The following FBXL7 variants were observed in gnomAD, a reference collection of about 807,000 sequenced individuals.
FBXL7 encodes the protein F-box and leucine rich repeat protein 7.
A neutral mutation model predicts 38.3 loss-of-function variants in FBXL7; 12 were observed. The observed-to-expected ratio is 0.31, with a 90% CI of 0.20 to 0.51. FBXL7 has a LOEUF of 0.51. Ranked by LOEUF, FBXL7 falls within the 20% of genes least tolerant of loss-of-function variation. The probability of loss-of-function intolerance (pLI) is 0.98; values close to 1 mark genes in which losing one functional copy is unlikely to be tolerated. For missense variants in FBXL7, 567 were observed against 676.4 expected, an observed-to-expected ratio of 0.84 and a Z score of 1.79; for synonymous variants, 297 against 300.9, an observed-to-expected ratio of 0.99 and a Z score of 0.13.
At chr5:15,591,322 G>A (rs1200866981) in intron 1 of FBXL7, among the ~76,000 whole-genome samples, 3 of 151,672 alleles carry the variant, frequency 2.0e-5, no homozygotes, top group South Asian at 2.1e-4. Context: ...CCAGCTACTC[G>A]GGAGGCTGAG....
At chr5:15,524,306 T>C (rs938763064) in intron 1 of FBXL7, among the ~76,000 whole-genome samples, 1 of 152,170 alleles carries the variant, frequency 6.6e-6, no homozygotes, top group African/African-American at 2.4e-5. Context: ...AGGTATACTT[T>C]AAAGGAATGG....
chr5:15,887,661 A>G (rs577870480), intron 2 of FBXL7, among the ~76,000 whole-genome samples: 7 of 152,186 alleles, frequency 4.6e-5, no homozygotes, highest in African/African-American at 1.7e-4. Flanking sequence ...GTAAACACGT[A>G]GAGTATTGGA....
chr5:15,727,094 C>G (rs140734706), intron 2 of FBXL7, among the ~76,000 whole-genome samples: 2 of 152,112 alleles, frequency 1.3e-5, no homozygotes, highest in African/African-American at 2.4e-5. Flanking sequence ...CAATAACATA[C>G]GAAAACTCTG....
At chr5:15,622,631 C>G (rs999881660) in intron 2 of FBXL7, among the ~76,000 whole-genome samples, 1 of 152,164 alleles carries the variant, frequency 6.6e-6, no homozygotes, top group Non-Finnish European at 1.5e-5. Flanking sequence ...TTTTTTATGG[C>G]TGCATAGTCT....
chr5:15,651,754 A>G (rs1052507474), intron 2 of FBXL7, among the ~76,000 whole-genome samples: 10 of 152,234 alleles, frequency 6.6e-5, no homozygotes, highest in African/African-American at 2.2e-4. Flanking sequence ...TAAAGCCACC[A>G]GCTACATTGG....
intron 2 of FBXL7, among the ~76,000 whole-genome samples, chr5:15,737,186 C>T (rs953214783): frequency 2.6e-5 from 4 of 152,198 alleles, no homozygotes; most frequent in Non-Finnish European, 2.9e-5. Context: ...TTCCACTGGG[C>T]GTCCGAAGCT....
chr5:15,509,824 G>T (rs1244472591), intron 1 of FBXL7, among the ~76,000 whole-genome samples: 1 of 152,226 alleles, frequency 6.6e-6, no homozygotes, highest in Non-Finnish European at 1.5e-5. Flanking sequence ...AACCTGGCCT[G>T]CCTGGGTGCT....
chr5:15,539,421 A>T (rs1737674663), intron 1 of FBXL7, among the ~76,000 whole-genome samples: 1 of 151,992 alleles, frequency 6.6e-6, no homozygotes, highest in Non-Finnish European at 1.5e-5. Context: ...AGTAACTCTT[A>T]ATGGTCTACA....
At chr5:15,517,296 G>A (rs994807958) in intron 1 of FBXL7, among the ~76,000 whole-genome samples, 3 of 152,156 alleles carry the variant, frequency 2.0e-5, no homozygotes, top group Non-Finnish European at 4.4e-5. Flanking sequence ...TGACTTAAGG[G>A]GCCCACAGTC....
At chr5:15,595,407 C>T in intron 1 of FBXL7, among the ~76,000 whole-genome samples, 1 of 152,126 alleles carries the variant, frequency 6.6e-6, no homozygotes, top group South Asian at 2.1e-4. Context: ...GCAGGCAGAC[C>T]AGATCGGCTG....
intron 2 of FBXL7, among the ~76,000 whole-genome samples, chr5:15,890,453 C>A (rs1462437209): frequency 1.3e-5 from 2 of 152,072 alleles, no homozygotes; most frequent in African/African-American, 4.8e-5. Context: ...GTTGGTCAGG[C>A]TGCTCTTGAA....
Position 15,533,978 on chromosome 5 carries a change from CTGTT to C in FBXL7, c.37+33267_37+33270del, listed in dbSNP as rs201562263. 5.3e-5 allele frequency among the ~76,000 whole-genome samples: 8 copies of C among 152,012 alleles called. No homozygotes were observed. In the East Asian group the frequency reaches 1.4e-3, roughly 26 times the overall value. On this transcript the variant is annotated intron_variant, in intron 1 of 3. Coordinates refer to ENST00000504595, the MANE Select transcript of FBXL7 (RefSeq NM_012304.5). Reference sequence around the variant, plus strand: ...CTTTTTTGTCTCTTTATTATTAAGTCTGTTTATTACTTAAATCTATTTATGATTT... The same window carrying C: ...CTTTTTTGTCTCTTTATTATTAAGTCTATTACTTAAATCTATTTATGATTT...
chr5:15,616,283 G>A (rs1373975616), intron 2 of FBXL7, among the ~76,000 whole-genome samples: 2 of 152,152 alleles, frequency 1.3e-5, no homozygotes, highest in African/African-American at 4.8e-5. Flanking sequence ...CGGGATTCAG[G>A]TGCCTCAATT....
At chr5:15,815,467 A>G (rs897170851) in intron 2 of FBXL7, among the ~76,000 whole-genome samples, 10 of 152,180 alleles carry the variant, frequency 6.6e-5, no homozygotes, top group Admixed American at 2.0e-4. Context: ...GTAGGTCCTT[A>G]GCAGAGTGGG....
intron 1 of FBXL7, among the ~76,000 whole-genome samples, chr5:15,593,031 C>T (rs1374120630): frequency 2.0e-5 from 3 of 152,170 alleles, no homozygotes; most frequent in Admixed American, 6.5e-5. Context: ...GGCAGTAAAA[C>T]GATTCTCCTG....
intron 2 of FBXL7, among the ~76,000 whole-genome samples, chr5:15,811,399 A>G (rs1737854942): frequency 6.6e-6 from 1 of 152,034 alleles, no homozygotes; most frequent in Non-Finnish European, 1.5e-5. Context: ...TTCTCCCAGT[A>G]TTTTGATGTG....
rs1736462249 is a variant in FBXL7 at position 15,500,624 on chromosome 5, G to T, written c.-53G>T. 5 of 1,612,118 alleles carry T rather than the reference G, an allele frequency of 3.1e-6. No individual in the cohort carries two copies. The highest frequency in any genetic ancestry group is 4.2e-6 in the Non-Finnish European group (5 of 1,178,536). On this transcript the variant is annotated 5_prime_UTR_variant, in exon 1 of 4. Coordinates refer to ENST00000504595, the MANE Select transcript of FBXL7 (RefSeq NM_012304.5). ...TTTCCTCGGGCCGAGCGCGCAGGAC[G>T]TGCGCCGCAGCTATGGAGTGTCCCG...
At chr5:15,613,091 A>G (rs1653107850) in intron 1 of FBXL7, among the ~76,000 whole-genome samples, 1 of 152,228 alleles carries the variant, frequency 6.6e-6, no homozygotes, top group Non-Finnish European at 1.5e-5. Context: ...TATAATAAAA[A>G]TAATTTAAGT....
intron 2 of FBXL7, among the ~76,000 whole-genome samples, chr5:15,828,968 A>G (rs949096367): frequency 6.6e-6 from 1 of 152,224 alleles, no homozygotes; most frequent in East Asian, 1.9e-4. Flanking sequence ...GGCTATTGGC[A>G]TTTTTAATTA....
Sources: allele counts gnomAD v4.1 joint callset (sites outside exome capture counted in the v4.1 genomes callset), GRCh38; gene constraint gnomAD v4.1.1; transcripts MANE v1.5; gene names NCBI Gene and HGNC (gene_info 2026-07-23, HGNC 2026-07-21).